HSD17B4: variants seen among roughly 807,000 people sequenced by gnomAD.
HSD17B4 encodes the protein peroxisomal multifunctional enzyme type 2.
In HSD17B4, 70 loss-of-function variants were observed where a neutral mutation model predicts 101.0. The ratio of observed to expected loss-of-function variants is 0.69; its 90% CI spans 0.57 to 0.85. The LOEUF is 0.85. Among genes scored for constraint, HSD17B4 ranks in the 40% least tolerant of loss-of-function variants. The pLI is 0.00. For synonymous variants in HSD17B4, 347 were observed against 297.1 expected (o/e 1.17, Z -1.73); for missense variants, 984 against 892.4 (o/e 1.10, Z -1.31).
chr5:119,513,395 T>G (rs930465578), intron 16 of HSD17B4, among the ~76,000 whole-genome samples: 3 of 152,210 alleles, frequency 2.0e-5, no homozygotes, highest in African/African-American at 7.2e-5. Flanking sequence ...TGTTCTTTTT[T>G]CTTTTTGAGA....
chr5:119,523,291 G>A (rs1384173985), intron 17 of HSD17B4, among the ~76,000 whole-genome samples: 2 of 152,064 alleles, frequency 1.3e-5, no homozygotes, highest in Non-Finnish European at 2.9e-5. Flanking sequence ...CTTTTAATAT[G>A]CAAAATAATA....
intron 2 of HSD17B4, 72 bp downstream of exon 2, chr5:119,456,440 C>G (rs1203646656): frequency 5.1e-6 from 5 of 983,944 alleles, no homozygotes; most frequent in Non-Finnish European, 8.2e-6. Context: ...CTATCTTTGT[C>G]TTTCTATCAA....
At chr5:119,458,508 AT>A (rs35423756) in intron 2 of HSD17B4, among the ~76,000 whole-genome samples, 15,078 of 136,276 alleles carry the variant, frequency 0.11, 1,026 homozygotes, top group African/African-American at 0.2. Context: ...AGCCTGGCTA[AT>A]TTTTTTTTTT....
intron 2 of HSD17B4, among the ~76,000 whole-genome samples, chr5:119,464,225 C>T (rs959012106): frequency 6.6e-6 from 1 of 151,968 alleles, no homozygotes; most frequent in African/African-American, 2.4e-5. Context: ...GCTTTTGTTG[C>T]CTATGCTTCC....
intron 8 of HSD17B4, among the ~76,000 whole-genome samples, chr5:119,485,124 C>A (rs369780639): frequency 1.3e-5 from 2 of 152,092 alleles, no homozygotes; most frequent in Admixed American, 1.3e-4. Context: ...CTTTCTACCC[C>A]CCTGCTTCAT....
At position 119,541,964 on chromosome 5, in the gene HSD17B4, G is replaced by C. The variant is rs776945690; in HGVS notation, c.2181G>C (p.Gln727His). Residue 727 changes from glutamine to histidine, a missense_variant, in exon 24 of 24, where the codon CAG becomes CAC. Transcript: ENST00000510025. Reference sequence around the variant, plus strand: ...ACATCATGCTGAGCCAGAAACTTCAGATGATTCTTAAAGACTACGCCAAGC... The same window carrying C: ...ACATCATGCTGAGCCAGAAACTTCACATGATTCTTAAAGACTACGCCAAGC... The part of the protein sequence containing the change: ...RGNIMLSQKL[Q>H]MILKDYAKL The C allele has an allele frequency of 3.7e-6, 6 of 1,612,984 alleles. No individual in the cohort carries two copies. The Admixed American group carries it at 1.0e-4, about 27-fold the overall frequency.
intron 2 of HSD17B4, among the ~76,000 whole-genome samples, chr5:119,472,196 G>A (rs1473990364): frequency 6.6e-6 from 1 of 152,132 alleles, no homozygotes; most frequent in Non-Finnish European, 1.5e-5. Flanking sequence ...CTTAAAATAT[G>A]ATTTTCTAAT....
At position 119,529,893 on chromosome 5, in the gene HSD17B4, G is replaced by A. The variant is rs1359482508; in HGVS notation, c.1768-1G>A. The stretch of plus-strand genomic sequence containing the variant: ...TCTTTTTTTTTTCTTCTCCTCCTAA[G>A]GTCCAAGAAACTGGAGACATTGTCA... On this transcript the variant is annotated splice_acceptor_variant, in intron 20 of 23. Transcript: ENST00000510025. LOFTEE classifies it high-confidence loss of function. The A allele has an allele frequency of 1.1e-5, 17 of 1,573,240 alleles. No homozygotes were observed. Among genetic ancestry groups the A allele is most frequent in the Non-Finnish European group, 1.5e-5 (17 of 1,144,518 alleles).
rs771920781 is a variant in HSD17B4, at chr5:119,489,166, A to C, written c.623-26A>C. Reference sequence around the variant, plus strand: ...TTCTTAGAAAGTAAAATGATTGATAAGATATGTGTATATTCTTTATTTCAG... The same window carrying C: ...TTCTTAGAAAGTAAAATGATTGATACGATATGTGTATATTCTTTATTTCAG... On this transcript the variant is annotated intron_variant, in intron 8 of 23. Transcript: ENST00000510025. 7.2e-6 allele frequency: 10 copies of C among 1,390,458 alleles called. 1 individual carries two copies. In the South Asian group the frequency reaches 1.2e-4, roughly 16 times the overall value. 86.1% of individuals were successfully genotyped at this position (1,390,458 alleles called of 1,614,324 possible). A position where few individuals can be genotyped will look rare whatever the true frequency, so the allele number is the denominator to read the frequency against.
At chr5:119,531,460 A>G (rs947553200) in intron 22 of HSD17B4, 56 bp downstream of exon 22, 5 of 1,542,352 alleles carry the variant, frequency 3.2e-6, no homozygotes, top group African/African-American at 2.8e-5. Flanking sequence ...TAAATAAAGT[A>G]TCTTTTTAAC....
At chr5:119,480,934 G>A (rs976354116) in intron 8 of HSD17B4, among the ~76,000 whole-genome samples, 6 of 152,158 alleles carry the variant, frequency 3.9e-5, no homozygotes, top group Admixed American at 6.5e-5. Flanking sequence ...TGTTCTGCTC[G>A]GCTCACCAGC....
At chr5:119,455,385 C>T (rs1754511930) in intron 1 of HSD17B4, among the ~76,000 whole-genome samples, 1 of 151,978 alleles carries the variant, frequency 6.6e-6, no homozygotes, top group African/African-American at 2.4e-5. Context: ...GGCGTGGTGG[C>T]GGGCGCCTGT....
intron 22 of HSD17B4, among the ~76,000 whole-genome samples, chr5:119,534,168 G>C (rs1363010609): frequency 1.3e-5 from 2 of 151,922 alleles, no homozygotes; most frequent in African/African-American, 4.8e-5. Context: ...TTTAAATTTG[G>C]TTTCCTTTCA....
intron 20 of HSD17B4, among the ~76,000 whole-genome samples, chr5:119,528,510 A>G (rs768109857): frequency 2.6e-5 from 4 of 152,140 alleles, no homozygotes; most frequent in Non-Finnish European, 5.9e-5. Flanking sequence ...ACCCATAGAT[A>G]CACTCAAATT....
intron 8 of HSD17B4, among the ~76,000 whole-genome samples, chr5:119,484,123 G>A (rs1179022306): frequency 6.6e-6 from 1 of 152,130 alleles, no homozygotes; most frequent in Non-Finnish European, 1.5e-5. Flanking sequence ...TGAAAGGATT[G>A]CTTGAGCCCA....
In HSD17B4 at chr5:119,529,958, C is replaced by T; in HGVS notation, c.1832C>T (p.Thr611Ile). 1 of 1,606,926 alleles carries T rather than the reference C, an allele frequency of 6.2e-7. No individual in the cohort carries two copies. Among genetic ancestry groups the T allele is most frequent in the Non-Finnish European group, 8.5e-7 (1 of 1,173,962 alleles). ...AYVDLAPTSG[T>I]SAKTPSEGGK... ...GTGGATCTTGCACCAACATCTGGTA[C>T]TTCAGCTAAGACACCCTCTGAGGTA... The change falls in exon 21 of 24, where the codon ACT becomes ATT. Residue 611 changes from threonine (T) to isoleucine (I), a missense_variant. Physicochemically the swap from Thr to Ile is moderately conservative, Grantham distance 89. Transcript: ENST00000510025.
intron 15 of HSD17B4, among the ~76,000 whole-genome samples, chr5:119,508,178 A>C (rs1005001244): frequency 6.6e-6 from 1 of 151,218 alleles, no homozygotes; most frequent in Non-Finnish European, 1.5e-5. Flanking sequence ...CTTGGCTACT[A>C]TTCTCCCAGT....
chr5:119,456,240 G>A (rs939690342), intron 1 of HSD17B4, 75 bp from the exon 2 acceptor site: 9 of 876,262 alleles, frequency 1.0e-5, no homozygotes, highest in Non-Finnish European at 1.8e-5. Context: ...TTCTTTAAAT[G>A]GGGATTGAGT....
At chr5:119,539,339 A>G (rs554265441) in intron 23 of HSD17B4, among the ~76,000 whole-genome samples, 4 of 152,026 alleles carry the variant, frequency 2.6e-5, no homozygotes, top group Admixed American at 6.5e-5. Flanking sequence ...TGCAAGGACA[A>G]AAAACCAAAC....
Sources: allele counts gnomAD v4.1 joint callset (sites outside exome capture counted in the v4.1 genomes callset), GRCh38; gene constraint gnomAD v4.1.1; transcripts MANE v1.5; gene names NCBI Gene and HGNC (gene_info 2026-07-23, HGNC 2026-07-21).